Variants in CADM1 observed in about 807,000 individuals in gnomAD.
CADM1 encodes the protein cell adhesion molecule 1.
A neutral mutation model predicts 53.1 loss-of-function variants in CADM1; 15 were observed. That is an observed-to-expected ratio of 0.28 (90% CI 0.19 to 0.44). The LOEUF (loss-of-function observed/expected upper bound fraction) is 0.44, where lower values mean the gene tolerates loss of function less well. Among genes scored for constraint, CADM1 ranks in the 20% least tolerant of loss-of-function variants. The pLI is 1.00. For synonymous variants in CADM1, 281 were observed against 243.0 expected, an observed-to-expected ratio of 1.16 and a Z score of -1.45; for missense variants, 434 against 611.3, an observed-to-expected ratio of 0.71 and a Z score of 3.06.
rs1452748289 is a variant in CADM1 at position 115,413,691 on chromosome 11, C to A, written c.124+90580G>T. Among the ~76,000 whole-genome samples the A allele has an allele frequency of 7.2e-5, 10 of 138,658 alleles. No homozygotes were observed. The East Asian group carries it at 2.1e-3, about 29-fold the overall frequency. The allele number at this position is 138,658 out of a possible 152,430, so 91.0% of individuals were successfully genotyped here. Reference sequence around the variant, plus strand: ...ACAGAGTCTTGCTCTGTCGCCCAGGCTGGAATGCAGTGGTGCAATCTTGGC... The same window carrying A: ...ACAGAGTCTTGCTCTGTCGCCCAGGATGGAATGCAGTGGTGCAATCTTGGC... On this transcript the variant is annotated intron_variant, in intron 1 of 11. Coordinates refer to ENST00000331581, the MANE Select transcript of CADM1 (RefSeq NM_001301043.2).
intron 1 of CADM1, among the ~76,000 whole-genome samples, chr11:115,331,869 A>G (rs1945137701): frequency 1.4e-5 from 2 of 147,094 alleles, no homozygotes; most frequent in South Asian, 4.4e-4. Flanking sequence ...AATGAAATAT[A>G]GACCTTTTTT....
intron 1 of CADM1, among the ~76,000 whole-genome samples, chr11:115,500,346 G>T (rs1325823542): frequency 6.6e-6 from 1 of 152,160 alleles, no homozygotes; most frequent in African/African-American, 2.4e-5. Context: ...TAAATTCTAA[G>T]TGACCAATTA....
chr11:115,323,330 A>G (rs1488482651), intron 1 of CADM1, among the ~76,000 whole-genome samples: 1 of 152,186 alleles, frequency 6.6e-6, no homozygotes, highest in African/African-American at 2.4e-5. Flanking sequence ...ACTGTGTGAC[A>G]TTTCCCAACA....
rs115229542 is a variant in CADM1, at chr11:115,445,171, T to C, written c.124+59100A>G. ...GAAGTATATGCCTTCCCTTTCATTC[T>C]AGACTCAGGCTGATTTGGGTTTGAC... On this transcript the variant is annotated intron_variant, in intron 1 of 11. Transcript: ENST00000331581. Among the ~76,000 whole-genome samples, 336 of 152,330 alleles carry C rather than the reference T, an allele frequency of 2.2e-3. 1 individual carries two copies. Among genetic ancestry groups the C allele is most frequent in the African/African-American group, 8.0e-3 (331 of 41,568 alleles).
At chr11:115,447,572 GA>G (rs34129896) in intron 1 of CADM1, among the ~76,000 whole-genome samples, 152,216 of 152,268 alleles carry the variant, frequency 1, 76,082 homozygotes, top group Middle Eastern at 1. Flanking sequence ...TGGAGGCACT[GA>G]AGCTTCTCTA....
intron 1 of CADM1, among the ~76,000 whole-genome samples, chr11:115,253,998 G>A (rs1380298898): frequency 2.0e-5 from 3 of 152,064 alleles, no homozygotes; most frequent in Non-Finnish European, 4.4e-5. Flanking sequence ...CATAATAATG[G>A]GTATGAAATA....
At chr11:115,384,775 T>C (rs1395995401) in intron 1 of CADM1, among the ~76,000 whole-genome samples, 1 of 152,144 alleles carries the variant, frequency 6.6e-6, no homozygotes, top group Non-Finnish European at 1.5e-5. Context: ...CTGGTGGAGG[T>C]GTTAGTGGAA....
At chr11:115,464,769 A>G (rs1948863604) in intron 1 of CADM1, among the ~76,000 whole-genome samples, 2 of 152,202 alleles carry the variant, frequency 1.3e-5, no homozygotes, top group Admixed American at 6.5e-5. Flanking sequence ...GAGTAGGGCA[A>G]TTTCTTCTCA....
chr11:115,231,052 G>A (rs1377485479), intron 4 of CADM1, among the ~76,000 whole-genome samples: 1 of 152,144 alleles, frequency 6.6e-6, no homozygotes, highest in Non-Finnish European at 1.5e-5. Flanking sequence ...TCAGGAGACA[G>A]CCCTCATGAA....
rs1273972890 is a variant in CADM1 at position 115,256,685 on chromosome 11, G to A, written c.125-16265C>T. On this transcript the variant is annotated intron_variant, in intron 1 of 11. Transcript: ENST00000331581. ...TTTTTTTCTGGTTGGAGGTGGGCAG[G>A]GAGAGAGAGCCAGCAACAAAATGGC... The A allele has an allele frequency of 7.5e-6, 3 of 398,062 alleles. No homozygotes were observed. The East Asian group carries it at 2.2e-4, about 29-fold the overall frequency. 24.7% of individuals were successfully genotyped at this position (398,062 alleles called of 1,614,324 possible).
chr11:115,196,696 G>T (rs751442785), intron 9 of CADM1, among the ~76,000 whole-genome samples: 1 of 151,788 alleles, frequency 6.6e-6, no homozygotes, highest in East Asian at 1.9e-4. Flanking sequence ...GTCCTGGGCC[G>T]CAGGTAGCCC....
chr11:115,495,547 G>A (rs1250071407), intron 1 of CADM1, among the ~76,000 whole-genome samples: 1 of 152,152 alleles, frequency 6.6e-6, no homozygotes, highest in East Asian at 1.9e-4. Context: ...GACTGAGAAA[G>A]AAAGGTTTCA....
At chr11:115,484,463 G>A (rs1014915174) in intron 1 of CADM1, among the ~76,000 whole-genome samples, 1 of 152,176 alleles carries the variant, frequency 6.6e-6, no homozygotes, top group Non-Finnish European at 1.5e-5. Context: ...TGCCAAAGCT[G>A]CCATTGGTCA....
rs116903738 is a variant in CADM1 at position 115,258,871 on chromosome 11, T to C, written c.125-18451A>G. ...AAAATGAAGATAAGAAGCACAATCA[T>C]TTTTATTTTTAGATGATTGTAGCTC... On this transcript the variant is annotated intron_variant, in intron 1 of 11. Coordinates refer to ENST00000331581, the MANE Select transcript of CADM1 (RefSeq NM_001301043.2). Among the ~76,000 whole-genome samples the C allele has an allele frequency of 7.1e-3, 1,075 of 152,304 alleles. 4 individuals are homozygous for C. The highest frequency in any genetic ancestry group is 0.012 in the Non-Finnish European group (836 of 68,010).
intron 1 of CADM1, among the ~76,000 whole-genome samples, chr11:115,369,026 T>TAAAAAAAAGAAAAAAAA (rs1946244376): frequency 2.2e-5 from 1 of 44,748 alleles, no homozygotes. Context: ...AAAAAAAATC[T>TAAAAAAAAGAAAAAAAA]AAAAAAAAAA....
intron 1 of CADM1, among the ~76,000 whole-genome samples, chr11:115,259,894 A>G (rs1942919523): frequency 6.6e-6 from 1 of 151,914 alleles, no homozygotes; most frequent in Non-Finnish European, 1.5e-5. Flanking sequence ...TCCTGTCTCC[A>G]TCTCTGAGAT....
At position 115,281,695 on chromosome 11, in the gene CADM1, G is replaced by C. The variant is rs925270897; in HGVS notation, c.125-41275C>G. Among the ~76,000 whole-genome samples the C allele has an allele frequency of 8.5e-5, 13 of 152,064 alleles. 1 individual carries two copies. On this transcript the variant is annotated intron_variant, in intron 1 of 11. Coordinates refer to ENST00000331581, the MANE Select transcript of CADM1 (RefSeq NM_001301043.2). ...GGATCTTCAGATCCAGGGCAAATAT[G>C]CAGTACAAGGTACACCTTAAGTGGA...
intron 3 of CADM1, among the ~76,000 whole-genome samples, chr11:115,236,518 T>C (rs1942016595): frequency 6.6e-6 from 1 of 152,234 alleles, no homozygotes. Flanking sequence ...AGGAACCTAT[T>C]ACTTCTAGAA....
chr11:115,188,285 A>G (rs545643510), intron 10 of CADM1, among the ~76,000 whole-genome samples: 1 of 152,370 alleles, frequency 6.6e-6, no homozygotes, highest in South Asian at 2.1e-4. Context: ...TTATGGATCC[A>G]TCATCAATAA....
Sources: allele counts gnomAD v4.1 joint callset (sites outside exome capture counted in the v4.1 genomes callset), GRCh38; gene constraint gnomAD v4.1.1; transcripts MANE v1.5; gene names NCBI Gene and HGNC (gene_info 2026-07-23, HGNC 2026-07-21).